The following CFAP70 variants were observed in gnomAD, a reference collection of about 807,000 sequenced individuals.
CFAP70 encodes the protein cilia- and flagella-associated protein 70.
A neutral mutation model predicts 137.6 loss-of-function variants in CFAP70; 81 were observed. The observed-to-expected ratio is 0.59, with a 90% CI of 0.49 to 0.71. CFAP70 has a LOEUF of 0.71. CFAP70 is among the 30% of genes least tolerant of loss of function. The pLI is 0.00. For missense variants in CFAP70, 976 were observed against 1,226.7 expected, an observed-to-expected ratio of 0.80 and a Z score of 3.05; for synonymous variants, 382 against 423.6, an observed-to-expected ratio of 0.90 and a Z score of 1.20.
At chr10:73,338,985 T>A (rs1360579231) in intron 6 of CFAP70, among the ~76,000 whole-genome samples, 1 of 151,208 alleles carries the variant, frequency 6.6e-6, no homozygotes, top group Non-Finnish European at 1.5e-5. Context: ...AGTGACACAA[T>A]CCTGACTCAC....
chr10:73,255,729 T>A (rs1395812582), intron 26 of CFAP70, among the ~76,000 whole-genome samples: 1 of 151,998 alleles, frequency 6.6e-6, no homozygotes, highest in African/African-American at 2.4e-5. Flanking sequence ...GTATTTTTAG[T>A]AGAGACGGGG....
chr10:73,350,252 T>G (rs2054081641), intron 3 of CFAP70, among the ~76,000 whole-genome samples: 1 of 152,234 alleles, frequency 6.6e-6, no homozygotes, highest in Non-Finnish European at 1.5e-5. Flanking sequence ...TTAATTTGTT[T>G]CTCAATTCCT....
intron 3 of CFAP70, among the ~76,000 whole-genome samples, chr10:73,352,547 T>C (rs2054358967): frequency 6.6e-6 from 1 of 152,154 alleles, no homozygotes; most frequent in Admixed American, 6.5e-5. Context: ...GTATGGGATA[T>C]ATAAGGCAAA....
chr10:73,327,419 A>T (rs1351280640), intron 8 of CFAP70, among the ~76,000 whole-genome samples: 1 of 150,290 alleles, frequency 6.7e-6, no homozygotes, highest in Non-Finnish European at 1.5e-5. Context: ...TCCCTTTGAA[A>T]ACTGGCACAA....
chr10:73,359,647 A>G (rs1377107446), upstream of CFAP70, among the ~76,000 whole-genome samples: 2 of 152,342 alleles, frequency 1.3e-5, no homozygotes, highest in South Asian at 2.1e-4. Context: ...ATGGAAATAG[A>G]GAACTACCAT....
At chr10:73,344,693 A>C (rs1355954918) in intron 5 of CFAP70, among the ~76,000 whole-genome samples, 1 of 152,222 alleles carries the variant, frequency 6.6e-6, no homozygotes, top group Non-Finnish European at 1.5e-5. Context: ...CTATACCTAG[A>C]AATTTGGCCT....
intron 6 of CFAP70, among the ~76,000 whole-genome samples, chr10:73,336,482 T>G (rs1160449527): frequency 2.6e-5 from 4 of 152,052 alleles, no homozygotes; most frequent in Non-Finnish European, 5.9e-5. Context: ...GAAAAATAAT[T>G]CAACCATCCT....
At chr10:73,277,505 G>A in intron 20 of CFAP70, 144 bp from the exon 22 acceptor site, 1 of 779,476 alleles carries the variant, frequency 1.3e-6, no homozygotes, top group East Asian at 3.4e-5. Flanking sequence ...ACGAGGTCAG[G>A]AGTTCGAGAC....
At chr10:73,351,180 G>A (rs1311124445) in intron 3 of CFAP70, among the ~76,000 whole-genome samples, 3 of 135,414 alleles carry the variant, frequency 2.2e-5, no homozygotes, top group South Asian at 2.4e-4. Context: ...GTGCAGTGGC[G>A]CAGTCTCAGC....
intron 19 of CFAP70, among the ~76,000 whole-genome samples, chr10:73,285,495 C>A (rs1398014129): frequency 2.6e-5 from 4 of 152,134 alleles, no homozygotes; most frequent in Non-Finnish European, 5.9e-5. Flanking sequence ...CCACTGAGGG[C>A]AACCAGAAAA....
intron 12 of CFAP70, among the ~76,000 whole-genome samples, chr10:73,303,269 G>A (rs1589412609): frequency 6.6e-6 from 1 of 152,102 alleles, no homozygotes; most frequent in South Asian, 2.1e-4. Flanking sequence ...CCAGGCTGGA[G>A]TGCAGTGGCA....
At position 73,254,068 on chromosome 10, in the gene CFAP70, G is replaced by A; in HGVS notation, c.3076-13C>T. The A allele has an allele frequency of 2.5e-6, 4 of 1,584,180 alleles. No homozygotes were observed. Among genetic ancestry groups the A allele is most frequent in the Non-Finnish European group, 3.5e-6 (4 of 1,157,308 alleles). On this transcript the variant is annotated splice_polypyrimidine_tract_variant and intron_variant, in intron 26 of 26. Coordinates refer to ENST00000310715, the Ensembl canonical transcript of CFAP70. ...CTTTCAATTTCAGCTACATGAAAGA[G>A]GAAGAAAGGGAAAGATATATGTCAT...
chr10:73,291,943 G>A, exon 17 of CFAP70: 1 of 1,614,146 alleles, frequency 6.2e-7, no homozygotes, highest in South Asian at 1.1e-5. Flanking sequence ...CTTTGATGTT[G>A]TCTTCAGTTA....
chr10:73,287,793 T>A (rs544218066), intron 19 of CFAP70, among the ~76,000 whole-genome samples: 1 of 152,198 alleles, frequency 6.6e-6, no homozygotes, highest in South Asian at 2.1e-4. Context: ...AGAAGGAAGA[T>A]AGAAGGCTTT....
At chr10:73,350,957 ATGTGTGTGTATATGTATG>A (rs2054147151) in intron 3 of CFAP70, among the ~76,000 whole-genome samples, 1 of 142,698 alleles carries the variant, frequency 7.0e-6, no homozygotes, top group Non-Finnish European at 1.5e-5. Flanking sequence ...GTGTGTGTGT[ATGTGTGTGTATATGTATG>A]TGTGTGTGTA....
At chr10:73,292,010 A>C (rs763369099) in exon 17 of CFAP70, 1 of 1,614,048 alleles carries the variant, frequency 6.2e-7, no homozygotes, top group Admixed American at 1.7e-5. Flanking sequence ...CTCACGGACC[A>C]ATCTCTAAGC....
chr10:73,282,382 A>C (rs2047322766), intron 19 of CFAP70, among the ~76,000 whole-genome samples: 1 of 152,214 alleles, frequency 6.6e-6, no homozygotes, highest in African/African-American at 2.4e-5. Context: ...CACACAAAAA[A>C]AAAAACTATG....
chr10:73,260,419 A>G (rs567631919), intron 25 of CFAP70, among the ~76,000 whole-genome samples: 3 of 152,296 alleles, frequency 2.0e-5, no homozygotes, highest in African/African-American at 7.2e-5. Context: ...TAATATGGAT[A>G]GTAGCCAGTT....
intron 8 of CFAP70, among the ~76,000 whole-genome samples, chr10:73,329,103 A>G (rs2051790083): frequency 6.6e-6 from 1 of 152,128 alleles, no homozygotes; most frequent in Non-Finnish European, 1.5e-5. Flanking sequence ...ATGTCCAACA[A>G]TGATAGACTG....
Sources: gnomAD v4.1 joint callset for allele counts (sites outside exome capture counted in the v4.1 genomes callset) on GRCh38, gnomAD v4.1.1 for gene constraint, MANE v1.5 for transcripts, NCBI Gene and HGNC (gene_info 2026-07-23, HGNC 2026-07-21) for gene names.